PTCH1: variants seen among roughly 807,000 people sequenced by gnomAD.
PTCH1 encodes the protein protein patched homolog 1.
PTCH1 carries 14 observed loss-of-function variants against 144.6 expected under a neutral mutation model. The ratio of observed to expected loss-of-function variants is 0.10; its 90% CI spans 0.06 to 0.15. PTCH1 has a LOEUF of 0.15. Among genes scored for constraint, PTCH1 ranks in the 10% least tolerant of loss-of-function variants. The probability of loss-of-function intolerance (pLI) is 1.00; values close to 1 mark genes in which losing one functional copy is unlikely to be tolerated. For missense variants in PTCH1, 1,623 were observed against 1,948.3 expected, an observed-to-expected ratio of 0.83 and a Z score of 3.14; for synonymous variants, 833 against 793.6, an observed-to-expected ratio of 1.05 and a Z score of -0.83.
At chr9:95,492,589 G>C (rs545015711) in intron 2 of PTCH1, among the ~76,000 whole-genome samples, 336 of 151,746 alleles carry the variant, frequency 2.2e-3, no homozygotes, top group Non-Finnish European at 3.1e-3. Flanking sequence ...TTTAGAGTTG[G>C]GTCCCATCCT....
intron 12 of PTCH1, 59 bp from the exon 13 acceptor site, chr9:95,469,990 G>T: frequency 8.2e-7 from 1 of 1,213,772 alleles, no homozygotes; most frequent in Non-Finnish European, 1.2e-6. Context: ...TCAGAGGACT[G>T]CTTCGAAAAT....
rs371943557 is a variant in PTCH1, at chr9:95,447,213, T to C, written c.4043A>G (p.Asn1348Ser). ...GGCAGTGGACGCTGGGTTCCGAGGG[T>C]TGTGAGAACGGGCCCCGCGAGGGCC... is the stretch of plus-strand genomic sequence containing the variant. The part of the protein sequence containing the change: ...RWGPRGARSH[N>S]PRNPASTAMG... Residue 1348 changes from asparagine (N) to serine (S), a missense_variant, in exon 23 of 24, where the codon AAC becomes AGC. This residue lies in a region of PTCH1 where 291 missense variants were observed against 287.4 expected (regional missense o/e 1.01). Transcript: ENST00000331920. The C allele has an allele frequency of 1.6e-5, 26 of 1,612,602 alleles. No individual in the cohort carries two copies. Among genetic ancestry groups the C allele is most frequent in the Non-Finnish European group, 2.1e-5 (25 of 1,179,844 alleles).
At chr9:95,509,824 AT>A (rs908034681), upstream of PTCH1, among the ~76,000 whole-genome samples, 4 of 151,746 alleles carry the variant, frequency 2.6e-5, no homozygotes, top group African/African-American at 7.3e-5. Context: ...TGTGTGCCAG[AT>A]TTTTTTTTCC....
chr9:95,480,336 C>CA, intron 6 of PTCH1, 54 bp downstream of exon 6: 1 of 1,591,420 alleles, frequency 6.3e-7, no homozygotes. Flanking sequence ...TGAATGGACA[C>CA]AAAAAAGTGT....
intron 2 of PTCH1, among the ~76,000 whole-genome samples, chr9:95,497,560 G>C (rs1274702278): frequency 2.6e-5 from 4 of 152,118 alleles, no homozygotes; most frequent in Non-Finnish European, 4.4e-5. Flanking sequence ...TTGGAGGCTC[G>C]GGCTCTCTCC....
At chr9:95,493,801 C>CAA (rs373669113) in intron 2 of PTCH1, among the ~76,000 whole-genome samples, 9,942 of 146,442 alleles carry the variant, frequency 0.068, 446 homozygotes, top group Non-Finnish European at 0.097. Flanking sequence ...AATCGAAAAA[C>CAA]AAAAAAAAAA....
intron 19 of PTCH1, among the ~76,000 whole-genome samples, chr9:95,455,997 G>T (rs1431038195): frequency 1.3e-5 from 2 of 152,208 alleles, no homozygotes; most frequent in Non-Finnish European, 2.9e-5. Context: ...GTCAAAGTCA[G>T]GTGAGCACGG....
intron 2 of PTCH1, among the ~76,000 whole-genome samples, chr9:95,499,941 G>A (rs60150206): frequency 0.12 from 17,795 of 151,538 alleles, 1,296 homozygotes; most frequent in African/African-American, 0.2. Context: ...AGGAGAACAG[G>A]GCAGACGAGT....
chr9:95,514,031 G>C (rs1458991515), upstream of PTCH1: 1 of 152,216 alleles, frequency 6.6e-6, no homozygotes, highest in Non-Finnish European at 1.5e-5. Flanking sequence ...AGTGTCCTGA[G>C]AAGGTCCCAG....
intron 2 of PTCH1, among the ~76,000 whole-genome samples, chr9:95,500,915 A>G (rs1183942790): frequency 6.6e-6 from 1 of 152,058 alleles, no homozygotes; most frequent in Admixed American, 6.5e-5. Context: ...CCCAAATATA[A>G]ATTATTTCTT....
chr9:95,451,525 G>A (rs985252052), intron 20 of PTCH1: 6 of 152,190 alleles, frequency 3.9e-5, no homozygotes, highest in Admixed American at 6.5e-5. Flanking sequence ...TTCAGGCTAA[G>A]TTTCCTCATT....
At chr9:95,446,754 C>T in intron 23 of PTCH1, 157 bp downstream of exon 23, 1 of 922,514 alleles carries the variant, frequency 1.1e-6, no homozygotes, top group Non-Finnish European at 1.7e-6. Context: ...AGCTTGGACA[C>T]ATCAGCCTTG....
chr9:95,504,728 T>C (rs1475869323), intron 2 of PTCH1, among the ~76,000 whole-genome samples: 2 of 152,020 alleles, frequency 1.3e-5, no homozygotes, highest in Non-Finnish European at 2.9e-5. Context: ...ATGCCCTCCT[T>C]CCCCTACCGT....
At chr9:95,455,292 C>G (rs887272591) in intron 19 of PTCH1, among the ~76,000 whole-genome samples, 1 of 152,234 alleles carries the variant, frequency 6.6e-6, no homozygotes, top group Non-Finnish European at 1.5e-5. Flanking sequence ...CACAAGGCTG[C>G]AGCCTATGTG....
intron 1 of PTCH1, 111 bp from the exon 2 acceptor site, chr9:95,506,710 G>C: frequency 9.2e-7 from 1 of 1,083,654 alleles, no homozygotes; most frequent in Non-Finnish European, 1.2e-6. Flanking sequence ...GGGGGCGCGG[G>C]TGGCCGCGGC....
chr9:95,469,319 T>A, intron 13 of PTCH1, 166 bp from the exon 14 acceptor site: 1 of 951,652 alleles, frequency 1.1e-6, no homozygotes, highest in East Asian at 2.6e-5. Flanking sequence ...GTTGATAACA[T>A]CACCTGGTTC....
intron 1 of PTCH1, among the ~76,000 whole-genome samples, chr9:95,516,297 C>T (rs1193174691): frequency 8.2e-5 from 12 of 146,444 alleles, no homozygotes; most frequent in Admixed American, 8.1e-4. Flanking sequence ...GCGGCGCAGC[C>T]CACCCGGCTC....
chr9:95,459,120 G>A (rs990236745), intron 17 of PTCH1, among the ~76,000 whole-genome samples: 1 of 152,222 alleles, frequency 6.6e-6, no homozygotes. Context: ...GGAAGAGGAC[G>A]CTGTTGTATA....
chr9:95,490,557 A>ACACAC (rs1564069050), intron 2 of PTCH1, among the ~76,000 whole-genome samples: 5 of 147,600 alleles, frequency 3.4e-5, no homozygotes, highest in East Asian at 1.9e-4. Flanking sequence ...ACACACACAC[A>ACACAC]AAAGAAAGAT....
Sources: gnomAD v4.1 joint callset for allele counts (sites outside exome capture counted in the v4.1 genomes callset) on GRCh38, gnomAD v4.1.1 for gene constraint, gnomAD v4.1.1 regional missense constraint, MANE v1.5 for transcripts, NCBI Gene and HGNC (gene_info 2026-07-23, HGNC 2026-07-21) for gene names.